The following KAZN variants were observed in gnomAD, a reference collection of about 807,000 sequenced individuals.
The protein encoded by KAZN is kazrin, periplakin interacting protein, also known as kazrin.
KAZN carries 40 observed loss-of-function variants against 87.4 expected under a neutral mutation model. The observed-to-expected ratio is 0.46, with a 90% CI of 0.36 to 0.60. The LOEUF is 0.60. Among genes scored for constraint, KAZN ranks in the 20% least tolerant of loss-of-function variants. The pLI is 0.00. For missense variants in KAZN, 898 were observed against 1,073.9 expected (o/e 0.84, Z 2.29); for synonymous variants, 466 against 458.3 (o/e 1.02, Z -0.22).
intron 1 of KAZN, among the ~76,000 whole-genome samples, chr1:14,776,311 T>C (rs748474004): frequency 3.6e-4 from 55 of 152,286 alleles, no homozygotes; most frequent in Middle Eastern, 6.8e-3. Flanking sequence ...GACTCCGTTG[T>C]GGGATTTAGG....
At chr1:14,673,677 T>C (rs981684181) in intron 1 of KAZN, among the ~76,000 whole-genome samples, 2 of 152,196 alleles carry the variant, frequency 1.3e-5, no homozygotes, top group Non-Finnish European at 2.9e-5. Flanking sequence ...GAGCTGCAGA[T>C]GCCTGAGTGA....
intron 2 of KAZN, among the ~76,000 whole-genome samples, chr1:14,998,931 G>T (rs145408615): frequency 3.5e-4 from 53 of 152,236 alleles, no homozygotes; most frequent in African/African-American, 1.1e-3. Context: ...TCAGACACAG[G>T]CTGTCAGGCT....
intron 1 of KAZN, among the ~76,000 whole-genome samples, chr1:14,671,092 A>G (rs533740755): frequency 2.4e-4 from 36 of 152,342 alleles, no homozygotes; most frequent in African/African-American, 8.7e-4. Context: ...AAGTTGCCTA[A>G]TCACAGATGT....
intron 1 of KAZN, among the ~76,000 whole-genome samples, chr1:14,952,010 T>G (rs1270605478): frequency 6.6e-6 from 1 of 152,112 alleles, no homozygotes; most frequent in Non-Finnish European, 1.5e-5. Flanking sequence ...GCCCTGCCAA[T>G]GTCTGTGAGC....
intron 2 of KAZN, among the ~76,000 whole-genome samples, chr1:14,408,263 A>G (rs760128571): frequency 6.6e-6 from 1 of 152,200 alleles, no homozygotes; most frequent in African/African-American, 2.4e-5. Flanking sequence ...AGAGGGATGT[A>G]TCTTTTGGTT....
intron 2 of KAZN, among the ~76,000 whole-genome samples, chr1:14,419,524 G>A (rs1240284822): frequency 1.3e-5 from 2 of 152,200 alleles, no homozygotes; most frequent in African/African-American, 4.8e-5. Context: ...CTCTGTGTGG[G>A]GAAGTGTCCG....
intron 2 of KAZN, among the ~76,000 whole-genome samples, chr1:14,554,425 A>G (rs1345128919): frequency 2.6e-5 from 4 of 152,182 alleles, no homozygotes; most frequent in Non-Finnish European, 5.9e-5. Flanking sequence ...TTGCCCCCTG[A>G]TGGACGGACC....
intron 1 of KAZN, among the ~76,000 whole-genome samples, chr1:14,637,014 A>G (rs1318773695): frequency 6.6e-6 from 1 of 152,126 alleles, no homozygotes; most frequent in Non-Finnish European, 1.5e-5. Flanking sequence ...AGGGCTGGAC[A>G]TGGTTACCCA....
chr1:14,401,115 G>A (rs1663370756), intron 2 of KAZN, among the ~76,000 whole-genome samples: 1 of 152,162 alleles, frequency 6.6e-6, no homozygotes, highest in South Asian at 2.1e-4. Context: ...TAAGAAGGGG[G>A]CAGAAGAGGA....
At chr1:14,135,554 A>T (rs10737922) in intron 1 of KAZN, among the ~76,000 whole-genome samples, 86,927 of 152,048 alleles carry the variant, frequency 0.57, 26,063 homozygotes, top group African/African-American at 0.72. Context: ...TGATATCTTT[A>T]ACAAGTATCT....
chr1:14,607,549 A>G (rs1025875071), intron 1 of KAZN, among the ~76,000 whole-genome samples: 2 of 152,250 alleles, frequency 1.3e-5, no homozygotes, highest in African/African-American at 2.4e-5. Context: ...TTCATCGTCA[A>G]TCCTCAGAGT....
intron 1 of KAZN, among the ~76,000 whole-genome samples, chr1:14,070,556 TA>T (rs113303277): frequency 6.6e-6 from 1 of 152,228 alleles, no homozygotes; most frequent in East Asian, 1.9e-4. Flanking sequence ...CATCCCACTG[TA>T]AAAAAAGTCA....
In KAZN at chr1:14,627,978, ACT is replaced by A. The variant is rs3087168; in HGVS notation, c.226+28775_226+28776del. Among the ~76,000 whole-genome samples the A allele has an allele frequency of 6.8e-3, 969 of 142,456 alleles. 14 individuals carry two copies. The highest frequency in any genetic ancestry group is 0.019 in the African/African-American group (740 of 39,174). The allele number at this position is 142,456 out of a possible 152,430, so 93.5% of individuals were successfully genotyped here. Reference sequence around the variant, plus strand: ...ACAGTGTGGGCAAGATGGATATGGAACTCTCTCTCTCTCTCTCTCTCGTCTGT... The same window carrying A: ...ACAGTGTGGGCAAGATGGATATGGAACTCTCTCTCTCTCTCTCTCGTCTGT... On this transcript the variant is annotated intron_variant, in intron 1 of 14. Transcript: ENST00000376030.
intron 2 of KAZN, among the ~76,000 whole-genome samples, chr1:15,005,227 C>T (rs1668880824): frequency 6.6e-6 from 1 of 152,124 alleles, no homozygotes; most frequent in South Asian, 2.1e-4. Context: ...TGTTTTTAAT[C>T]CATTCCACAG....
chr1:13,992,560 A>G, intron 1 of KAZN, among the ~76,000 whole-genome samples: 1 of 152,186 alleles, frequency 6.6e-6, no homozygotes, highest in East Asian at 1.9e-4. Flanking sequence ...TAGCCAAACC[A>G]GCTTGACTTA....
At chr1:14,205,260 G>A (rs1646716627) in intron 2 of KAZN, among the ~76,000 whole-genome samples, 1 of 152,194 alleles carries the variant, frequency 6.6e-6, no homozygotes, top group Non-Finnish European at 1.5e-5. Flanking sequence ...GAGGAAATGG[G>A]TTTAGTAGTC....
intron 8 of KAZN, among the ~76,000 whole-genome samples, chr1:15,073,333 T>C (rs1454330849): frequency 2.0e-5 from 3 of 152,172 alleles, no homozygotes; most frequent in African/African-American, 7.2e-5. Flanking sequence ...GTGTGCGTAT[T>C]GAACAAGCTG....
chr1:14,213,539 A>C (rs1038556525), intron 2 of KAZN, among the ~76,000 whole-genome samples: 1 of 152,204 alleles, frequency 6.6e-6, no homozygotes, highest in Non-Finnish European at 1.5e-5. Flanking sequence ...CCATGTTTGC[A>C]GAGTGGCACA....
At position 14,525,416 on chromosome 1, in the gene KAZN, C is replaced by T. The variant is rs181578713; in HGVS notation, c.250-73567C>T. ...GTGTCTGTTGCAACTACTCAGCTGGCCGTTGCAGAGTAAAAGCAGACTTAG... is the reference window on the plus strand; with the variant it reads ...GTGTCTGTTGCAACTACTCAGCTGGTCGTTGCAGAGTAAAAGCAGACTTAG... On this transcript the variant is annotated intron_variant, in intron 2 of 16. Coordinates refer to the KAZN transcript ENST00000636203. Among the ~76,000 whole-genome samples the T allele has an allele frequency of 1.1e-3, 161 of 152,326 alleles. 1 individual carries two copies. Among genetic ancestry groups the T allele is most frequent in the Non-Finnish European group, 1.8e-3 (122 of 68,028 alleles).
Sources: allele counts gnomAD v4.1 joint callset (sites outside exome capture counted in the v4.1 genomes callset), GRCh38; gene constraint gnomAD v4.1.1; transcripts MANE v1.5; gene names NCBI Gene and HGNC (gene_info 2026-07-23, HGNC 2026-07-21).